The following SCARA5 variants were observed in gnomAD, a reference collection of about 807,000 sequenced individuals.
SCARA5 encodes the protein scavenger receptor class A, member 5 (putative).
Under a neutral mutation model 46.3 loss-of-function variants are expected in SCARA5, and 45 were observed. The ratio of observed to expected loss-of-function variants is 0.97; its 90% CI spans 0.76 to 1.24. The LOEUF (loss-of-function observed/expected upper bound fraction) is 1.24. SCARA5 is among the 50% of genes most tolerant of loss of function. The pLI is 0.00. For synonymous variants in SCARA5, 333 were observed against 306.5 expected (o/e 1.09, Z -0.90); for missense variants, 680 against 689.0 (o/e 0.99, Z 0.15).
chr8:27,887,770 G>C (rs1170245887), intron 7 of SCARA5, among the ~76,000 whole-genome samples: 2 of 152,074 alleles, frequency 1.3e-5, no homozygotes, highest in Non-Finnish European at 2.9e-5. Context: ...CCCCAAACAT[G>C]GAAATAAAAG....
intron 2 of SCARA5, among the ~76,000 whole-genome samples, chr8:27,979,982 C>T (rs950000725): frequency 2.0e-5 from 3 of 152,182 alleles, no homozygotes; most frequent in African/African-American, 2.4e-5. Context: ...GCACCAATGA[C>T]GTGCCCACAC....
intron 3 of SCARA5, among the ~76,000 whole-genome samples, chr8:27,940,390 C>T (rs1807924113): frequency 2.0e-5 from 3 of 152,194 alleles, no homozygotes; most frequent in East Asian, 1.9e-4. Context: ...GCAGTAAGAT[C>T]GTGGACACTT....
chr8:27,879,882 C>T lies in SCARA5; in HGVS notation c.1154-116G>A, dbSNP rs1243925600. 5.2e-6 allele frequency: 5 copies of T among 953,182 alleles called. No homozygotes were observed. In the Admixed American group the frequency reaches 9.4e-5, roughly 18 times the overall value. The allele number at this position is 953,182 out of a possible 1,614,324, so 59.0% of individuals were successfully genotyped here. ...GGAGGAAGAGAGGGCTGGGGCCCAG[C>T]TGTATCAAGACTTCAGCCCCCAAAT... On this transcript the variant is annotated intron_variant, in intron 7 of 8. Coordinates refer to ENST00000354914, the MANE Select transcript of SCARA5 (RefSeq NM_173833.6).
intron 8 of SCARA5, among the ~76,000 whole-genome samples, chr8:27,873,710 A>C (rs746572128): frequency 1.3e-5 from 2 of 152,318 alleles, no homozygotes; most frequent in African/African-American, 4.8e-5. Flanking sequence ...CACCCAAAAA[A>C]AGAAAAAAAA....
At chr8:27,954,808 A>G (rs1357551786) in intron 3 of SCARA5, among the ~76,000 whole-genome samples, 1 of 152,240 alleles carries the variant, frequency 6.6e-6, no homozygotes, top group Non-Finnish European at 1.5e-5. Context: ...AAATGGCCGC[A>G]GCCAATGGTC....
In SCARA5 at chr8:27,924,873, T is replaced by C. The variant is rs564830901; in HGVS notation, c.242-2628A>G. On this transcript the variant is annotated intron_variant, in intron 3 of 8. Coordinates refer to ENST00000354914, the MANE Select transcript of SCARA5 (RefSeq NM_173833.6). ...CAAATAGAAAGCCAAATCATGAGTA[T>C]ACTCCCATTCACAATTGCTACAAAG... 2.6e-5 allele frequency among the ~76,000 whole-genome samples: 4 copies of C among 152,224 alleles called. No individual in the cohort carries two copies. In the South Asian group the frequency reaches 8.3e-4, roughly 32 times the overall value.
At chr8:27,964,990 G>T (rs1274424218) in intron 3 of SCARA5, among the ~76,000 whole-genome samples, 1 of 152,164 alleles carries the variant, frequency 6.6e-6, no homozygotes, top group Non-Finnish European at 1.5e-5. Context: ...TCACCAAGCA[G>T]CCCGAGAACA....
chr8:27,873,406 C>T (rs529983531), intron 8 of SCARA5, among the ~76,000 whole-genome samples: 1 of 152,292 alleles, frequency 6.6e-6, no homozygotes, highest in South Asian at 2.1e-4. Flanking sequence ...GACCTGCAAA[C>T]ATGTATGTCC....
intron 4 of SCARA5, among the ~76,000 whole-genome samples, chr8:27,912,296 T>G (rs751806802): frequency 6.6e-6 from 1 of 152,206 alleles, no homozygotes; most frequent in South Asian, 2.1e-4. Context: ...AAGATTGAGA[T>G]GTACTGATAA....
At chr8:27,872,117 G>A (rs757229001) in intron 8 of SCARA5, 47 bp from the exon 9 acceptor site, 93 of 1,600,292 alleles carry the variant, frequency 5.8e-5, no homozygotes, top group South Asian at 5.3e-4. Flanking sequence ...ACAGGAGGGC[G>A]AGAAGGAGAA....
chr8:27,881,201 C>A (rs1806807423), intron 7 of SCARA5, among the ~76,000 whole-genome samples: 1 of 152,190 alleles, frequency 6.6e-6, no homozygotes, highest in Admixed American at 6.5e-5. Flanking sequence ...GGGTGTACAT[C>A]TGAAGGAAAA....
chr8:27,944,604 G>A (rs1161375025), intron 3 of SCARA5, among the ~76,000 whole-genome samples: 1 of 151,748 alleles, frequency 6.6e-6, no homozygotes, highest in Non-Finnish European at 1.5e-5. Flanking sequence ...GCTCATGCCT[G>A]TAATCCTAGC....
At position 27,872,050 on chromosome 8, in the gene SCARA5, C is replaced by T. The variant is rs773976441; in HGVS notation, c.1372G>A (p.Asp458Asn). 1.9e-6 allele frequency: 3 copies of T among 1,614,110 alleles called. No individual in the cohort carries two copies. The highest frequency in any genetic ancestry group is 3.3e-5 in the Admixed American group (2 of 60,010). ...FGQGTGRIWM[D>N]DVACKGTEET... is the part of the protein sequence containing the mutation. Reference sequence around the variant, plus strand: ...TCTGTGCCCTTGCAGGCAACGTCATCCATCCAGATCCTCCCAGTGCCTGTG... The same window carrying T: ...TCTGTGCCCTTGCAGGCAACGTCATTCATCCAGATCCTCCCAGTGCCTGTG... Residue 458 changes from aspartate (D) to asparagine (N), a missense_variant, in exon 9 of 9, where the codon GAT becomes AAT. This residue lies in a region of SCARA5 where 219 missense variants were observed against 269.5 expected (regional missense o/e 0.81). Coordinates refer to ENST00000354914, the MANE Select transcript of SCARA5 (RefSeq NM_173833.6).
intron 2 of SCARA5, among the ~76,000 whole-genome samples, chr8:27,982,418 C>T (rs1233248269): frequency 3.3e-5 from 5 of 152,080 alleles, no homozygotes; most frequent in African/African-American, 7.2e-5. Flanking sequence ...GCCAGATCAC[C>T]GGTGCCTGGG....
intron 3 of SCARA5, among the ~76,000 whole-genome samples, chr8:27,934,478 G>A (rs940536687): frequency 6.6e-6 from 1 of 152,194 alleles, no homozygotes; most frequent in African/African-American, 2.4e-5. Flanking sequence ...GGGGCATCAT[G>A]AGAAGAGATT....
At chr8:27,951,604 G>C (rs966881539) in intron 3 of SCARA5, among the ~76,000 whole-genome samples, 14 of 152,188 alleles carry the variant, frequency 9.2e-5, no homozygotes, top group African/African-American at 3.4e-4. Flanking sequence ...GGCCCGTCCC[G>C]TCCTGCACGG....
intron 8 of SCARA5, among the ~76,000 whole-genome samples, chr8:27,874,158 C>T (rs999485244): frequency 6.6e-6 from 1 of 152,218 alleles, no homozygotes; most frequent in Non-Finnish European, 1.5e-5. Context: ...ATAGAGCTAA[C>T]GTTTGAGCTT....
intron 2 of SCARA5, among the ~76,000 whole-genome samples, chr8:27,973,145 G>T (rs1808472195): frequency 6.6e-6 from 1 of 152,134 alleles, no homozygotes; most frequent in Non-Finnish European, 1.5e-5. Context: ...TAATTGGCTG[G>T]AAAAACACAT....
In SCARA5 at chr8:27,943,870, T is replaced by C. The variant is rs999632106; in HGVS notation, c.242-21625A>G. On this transcript the variant is annotated intron_variant, in intron 3 of 8. Transcript: ENST00000354914. ...TGTATTTACACAGCCTCAGAGTGTC[T>C]CCCCACAGATCACTTCTTAATCAGA... is the stretch of plus-strand genomic sequence containing the variant. 1.2e-4 allele frequency among the ~76,000 whole-genome samples: 19 copies of C among 152,164 alleles called. 1 individual carries two copies. The highest frequency in any genetic ancestry group is 1.2e-3 in the Admixed American group (18 of 15,278).
Sources: allele counts gnomAD v4.1 joint callset (sites outside exome capture counted in the v4.1 genomes callset), GRCh38; gene constraint gnomAD v4.1.1; regional missense constraint gnomAD v4.1.1; transcripts MANE v1.5; gene names NCBI Gene and HGNC (gene_info 2026-07-23, HGNC 2026-07-21).